Variants in EVC2 observed in about 807,000 individuals in gnomAD.
The protein encoded by EVC2 is limbin.
A neutral mutation model predicts 149.3 loss-of-function variants in EVC2; 148 were observed. The ratio of observed to expected loss-of-function variants is 0.99; its 90% CI spans 0.87 to 1.14. The LOEUF is 1.14. EVC2 is among the 50% of genes most tolerant of loss of function. The pLI is 0.00. For missense variants in EVC2, 1,854 were observed against 1,627.3 expected (o/e 1.14, Z -2.40); for synonymous variants, 776 against 649.9 (o/e 1.19, Z -2.95).
At chr4:5,641,115 G>A (rs1717299007) in intron 9 of EVC2, among the ~76,000 whole-genome samples, 1 of 151,998 alleles carries the variant, frequency 6.6e-6, no homozygotes, top group Non-Finnish European at 1.5e-5. Flanking sequence ...GCAACAACAA[G>A]GAAACCAAGG....
At chr4:5,606,688 A>G (rs749148) in intron 16 of EVC2, among the ~76,000 whole-genome samples, 23,900 of 152,152 alleles carry the variant, frequency 0.16, 2,776 homozygotes, top group East Asian at 0.63. Context: ...ATCAATAGAA[A>G]TGAGAGAGAC....
the EVC2 span, among the ~76,000 whole-genome samples, chr4:5,532,557 T>A: frequency 2.0e-5 from 3 of 152,076 alleles, no homozygotes; most frequent in East Asian, 5.8e-4. Flanking sequence ...ACTGGGAGCC[T>A]CTGTTTTCAC....
chr4:5,553,031 G>A (rs1265952863), intron 21 of EVC2, among the ~76,000 whole-genome samples: 1 of 152,120 alleles, frequency 6.6e-6, no homozygotes, highest in Non-Finnish European at 1.5e-5. Flanking sequence ...TGCCGGTATT[G>A]GTCCTTTCTC....
At chr4:5,615,349 G>C in intron 16 of EVC2, 73 bp downstream of exon 16, 1 of 1,608,294 alleles carries the variant, frequency 6.2e-7, no homozygotes, top group South Asian at 1.1e-5. Flanking sequence ...CTGTGTGCCT[G>C]CAAATGTGTC....
upstream of EVC2, chr4:5,708,618 C>T: frequency 2.4e-6 from 2 of 821,508 alleles, no homozygotes; most frequent in Non-Finnish European, 3.4e-6. Context: ...TGCGAGCCGC[C>T]GCCGAAAGTT....
chr4:5,536,580 C>T, the EVC2 span, among the ~76,000 whole-genome samples: 25 of 152,108 alleles, frequency 1.6e-4, no homozygotes, highest in South Asian at 1.2e-3. Flanking sequence ...GTCAGGAGAT[C>T]GAGACCATCT....
intron 21 of EVC2, among the ~76,000 whole-genome samples, chr4:5,548,177 G>T (rs1314359906): frequency 6.6e-6 from 1 of 152,014 alleles, no homozygotes; most frequent in Admixed American, 6.6e-5. Context: ...CTGGTAGTGT[G>T]AGCCAAGCAC....
intron 16 of EVC2, among the ~76,000 whole-genome samples, chr4:5,605,866 A>G (rs946708196): frequency 6.6e-6 from 1 of 152,270 alleles, no homozygotes; most frequent in East Asian, 1.9e-4. Flanking sequence ...CAACTTTGAC[A>G]TCTCCCCCTC....
At chr4:5,583,778 CAA>C (rs200267428) in intron 17 of EVC2, among the ~76,000 whole-genome samples, 1 of 148,476 alleles carries the variant, frequency 6.7e-6, no homozygotes, top group Non-Finnish European at 1.5e-5. Context: ...AGACTTTTTT[CAA>C]AAAAAAATCT....
Position 5,686,925 on chromosome 4 carries a change from G to A in EVC2, c.707-1446C>T, listed in dbSNP as rs1168264097. On this transcript the variant is annotated intron_variant, in intron 5 of 21. Transcript: ENST00000344408. This position sits in a 1 kb window ranked among gnomAD's most constrained non-coding sequence, Gnocchi z 5.4. Reference sequence around the variant, plus strand: ...AGCCCAGTAGGTAGAGCTAAGCATGGGCATAAATAACAAGAATGGAGCAGT... The same window carrying A: ...AGCCCAGTAGGTAGAGCTAAGCATGAGCATAAATAACAAGAATGGAGCAGT... 5.3e-5 allele frequency among the ~76,000 whole-genome samples: 8 copies of A among 152,132 alleles called. No homozygotes were observed. Among genetic ancestry groups the A allele is most frequent in the Non-Finnish European group, 7.3e-5 (5 of 68,040 alleles).
chr4:5,624,926 C>T (rs987971227), intron 13 of EVC2, among the ~76,000 whole-genome samples: 2 of 152,124 alleles, frequency 1.3e-5, no homozygotes, highest in Non-Finnish European at 2.9e-5. Context: ...CCCATACATT[C>T]CCTGAATCTG....
At chr4:5,662,474 AATATTAAATATAATATTAATATTAAAT>A (rs56922180) in intron 9 of EVC2, among the ~76,000 whole-genome samples, 17,129 of 136,500 alleles carry the variant, frequency 0.13, 1,834 homozygotes, top group Non-Finnish European at 0.14. Context: ...TTATTAATAT[AATATTAAATATAATATTAATATTAAAT>A]ATATTAAATA....
At chr4:5,693,699 C>A (rs150859807) in intron 3 of EVC2, among the ~76,000 whole-genome samples, 1 of 152,290 alleles carries the variant, frequency 6.6e-6, no homozygotes, top group East Asian at 1.9e-4. Flanking sequence ...AGCAGGGAGC[C>A]CAAAAAAGGG....
chr4:5,568,413 C>T lies in EVC2; in HGVS notation c.3557+31G>A, dbSNP rs554110420. 1.8e-5 allele frequency: 27 copies of T among 1,536,432 alleles called. No homozygotes were observed. The South Asian group carries it at 2.5e-4, about 14-fold the overall frequency. On this transcript the variant is annotated intron_variant, in intron 20 of 21. Transcript: ENST00000344408. ...GGGGACCCTTGTGGACAGGGACGTGCCCCGGGAGGCAGCCCCTCCACGGCA... is the reference window on the plus strand; with the variant it reads ...GGGGACCCTTGTGGACAGGGACGTGTCCCGGGAGGCAGCCCCTCCACGGCA...
chr4:5,673,312 A>G (rs887931395), intron 7 of EVC2, among the ~76,000 whole-genome samples: 2 of 152,236 alleles, frequency 1.3e-5, no homozygotes, highest in Admixed American at 6.5e-5. Flanking sequence ...ACACAGGAGG[A>G]GCCAACAATG....
At chr4:5,702,872 A>C (rs1721911523) in intron 1 of EVC2, among the ~76,000 whole-genome samples, 1 of 152,228 alleles carries the variant, frequency 6.6e-6, no homozygotes, top group South Asian at 2.1e-4. Flanking sequence ...CATCTGTAAA[A>C]TGGGAATGTT....
rs775202977 is a variant in EVC2 at position 5,568,502 on chromosome 4, C to T, written c.3499G>A (p.Val1167Met). The T allele has an allele frequency of 3.8e-6, 6 of 1,587,832 alleles. No individual in the cohort carries two copies. The highest frequency in any genetic ancestry group is 5.1e-6 in the Non-Finnish European group (6 of 1,173,540). ...CCATCGCTCTCAGCTGCGTGGTCCA[C>T]ATGTCTCTCGGTGGCCGAATCCAGC... is the stretch of plus-strand genomic sequence containing the variant. ...ALLDSATERHVDHAAESDGGA... is the reference protein window; with the variant it reads ...ALLDSATERHMDHAAESDGGA... Residue 1167 changes from valine (V) to methionine (M), a missense_variant, in exon 20 of 22, where the codon GTG becomes ATG. By Grantham distance (21) the Val-to-Met change is conservative (BLOSUM62 1). Transcript: ENST00000344408.
intron 16 of EVC2, among the ~76,000 whole-genome samples, chr4:5,598,214 A>T (rs1713634085): frequency 6.6e-6 from 1 of 152,122 alleles, no homozygotes; most frequent in South Asian, 2.1e-4. Flanking sequence ...ATTGGAAAAA[A>T]CTAATTTAAA....
Position 5,665,514 on chromosome 4 carries a change from C to T in EVC2, c.1005+1G>A. On this transcript the variant is annotated splice_donor_variant, in intron 8 of 21. Coordinates refer to ENST00000344408, the MANE Select transcript of EVC2 (RefSeq NM_147127.5). LOFTEE classifies it high-confidence loss of function. ...CCAAACCACCCTCAGGGAAGACTCA[C>T]CCGATGTCTGGTGAGCATGTTTCCC... 6.2e-7 allele frequency: 1 copy of T among 1,614,150 alleles called. No individual in the cohort carries two copies. Among genetic ancestry groups the T allele is most frequent in the Non-Finnish European group, 8.5e-7 (1 of 1,180,032 alleles).
Sources: allele counts gnomAD v4.1 joint callset (sites outside exome capture counted in the v4.1 genomes callset), GRCh38; gene constraint gnomAD v4.1.1; non-coding constraint Gnocchi (gnomAD v3.1); transcripts MANE v1.5; gene names NCBI Gene and HGNC (gene_info 2026-07-23, HGNC 2026-07-21).